Variants in ADSL observed in about 807,000 individuals in gnomAD.
The protein encoded by ADSL is adenylosuccinase.
ADSL carries 44 observed loss-of-function variants against 62.1 expected under a neutral mutation model. The observed-to-expected ratio is 0.71, with a 90% CI of 0.56 to 0.91. The LOEUF is 0.91. ADSL is among the 40% of genes least tolerant of loss of function. The pLI is 0.00. For missense variants in ADSL, 531 were observed against 627.4 expected, an observed-to-expected ratio of 0.85 and a Z score of 1.64; for synonymous variants, 198 against 220.5, an observed-to-expected ratio of 0.90 and a Z score of 0.90.
Position 40,364,377 on chromosome 22 carries a change from C to T in ADSL, c.1191+12C>T. 2.5e-6 allele frequency: 4 copies of T among 1,611,806 alleles called. No homozygotes were observed. The highest frequency in any genetic ancestry group is 3.4e-6 in the Non-Finnish European group (4 of 1,178,284). The stretch of plus-strand genomic sequence containing the variant: ...GAGGTAGCCGCCAGGTTTGTAACCC[C>T]TCATGTTCCTGGATAAGTTGAGAGT... On this transcript the variant is annotated intron_variant, in intron 11 of 12. Coordinates refer to ENST00000623063, the MANE Select transcript of ADSL (RefSeq NM_000026.4).
At chr22:40,362,006 G>A (rs1214677194) in intron 9 of ADSL, among the ~76,000 whole-genome samples, 1 of 152,222 alleles carries the variant, frequency 6.6e-6, no homozygotes, top group African/African-American at 2.4e-5. Flanking sequence ...CCTGGGGAAT[G>A]AAGTCAACAT....
rs1190910739 is a variant in ADSL at position 40,361,615 on chromosome 22, A to G, written c.990A>G (p.Thr330=). Residue 330 remains threonine (T), a synonymous_variant, in exon 9 of 13, where the codon ACA becomes ACG. Coordinates refer to ENST00000623063, the MANE Select transcript of ADSL (RefSeq NM_000026.4). ...CATCTGTCCAGTGGTTTGAACGCACACTGGATGATAGTGCCAACCGGTCAG... is the reference window on the plus strand; with the variant it reads ...CATCTGTCCAGTGGTTTGAACGCACGCTGGATGATAGTGCCAACCGGTCAG... ...QTASVQWFER[T]LDDSANRRIC... 4 of 1,613,838 alleles carry G rather than the reference A, an allele frequency of 2.5e-6. No individual in the cohort carries two copies. In the African/African-American group the frequency reaches 4.0e-5, roughly 16 times the overall value.
intron 2 of ADSL, among the ~76,000 whole-genome samples, chr22:40,351,597 G>A (rs528284070): frequency 3.9e-5 from 6 of 152,318 alleles, no homozygotes; most frequent in South Asian, 2.1e-4. Flanking sequence ...GTGAGCCAGC[G>A]TACCTGGCCT....
intron 2 of ADSL, among the ~76,000 whole-genome samples, chr22:40,374,484 C>T (rs2146734218): frequency 6.6e-6 from 1 of 152,338 alleles, no homozygotes; most frequent in East Asian, 1.9e-4. Context: ...ACAATTTCTT[C>T]TTTGTAATAC....
intron 2 of ADSL, among the ~76,000 whole-genome samples, chr22:40,386,558 CTTACT>C (rs1268447784): frequency 3.0e-5 from 2 of 66,610 alleles, no homozygotes; most frequent in African/African-American, 1.0e-4. Context: ...GTCCAATTTT[CTTACT>C]TTTTTTTTTT....
intron 2 of ADSL, among the ~76,000 whole-genome samples, chr22:40,377,251 G>A (rs1334829333): frequency 3.9e-5 from 6 of 152,222 alleles, no homozygotes; most frequent in East Asian, 1.9e-4. Context: ...TAGGCAAATA[G>A]ATGCTTTCCT....
intron 2 of ADSL, 79 bp downstream of exon 2, chr22:40,350,114 A>T: frequency 3.0e-6 from 4 of 1,337,078 alleles, no homozygotes; most frequent in Non-Finnish European, 4.3e-6. Context: ...TGTCCAGTTG[A>T]GGAAGTGACA....
At chr22:40,386,719 G>C (rs2048522815) in intron 2 of ADSL, among the ~76,000 whole-genome samples, 1 of 151,510 alleles carries the variant, frequency 6.6e-6, no homozygotes, top group Non-Finnish European at 1.5e-5. Flanking sequence ...AGTGTGCCTG[G>C]CCCCTAGTTT....
intron 2 of ADSL, among the ~76,000 whole-genome samples, chr22:40,375,180 G>A (rs535202804): frequency 6.6e-6 from 1 of 152,250 alleles, no homozygotes; most frequent in East Asian, 1.9e-4. Context: ...TGTGATACAT[G>A]TTTTGTATTT....
At chr22:40,357,247 CTTTTTT>C (rs760770992) in intron 4 of ADSL, among the ~76,000 whole-genome samples, 2 of 102,780 alleles carry the variant, frequency 1.9e-5, no homozygotes, top group Non-Finnish European at 3.9e-5. Context: ...TTGATTTGGG[CTTTTTT>C]TTTTTTTTTT....
rs907248716 is a variant in ADSL, at chr22:40,353,171, T to C, written c.402+54T>C. 1.4e-5 allele frequency: 20 copies of C among 1,400,946 alleles called. No homozygotes were observed. The African/African-American group carries it at 2.0e-4, about 14-fold the overall frequency. The allele number at this position is 1,400,946 out of a possible 1,614,324, so 86.8% of individuals were successfully genotyped here. A position where few individuals can be genotyped will look rare whatever the true frequency, so the allele number is the denominator to read the frequency against. On this transcript the variant is annotated intron_variant, in intron 3 of 12. Transcript: ENST00000623063. ...ACCCTAGATTCCCTATGTTAGGAGATAGGCACCAGTTACAACTAAATCAAC... is the reference window on the plus strand; with the variant it reads ...ACCCTAGATTCCCTATGTTAGGAGACAGGCACCAGTTACAACTAAATCAAC...
At chr22:40,377,416 T>G (rs1431342312) in intron 2 of ADSL, among the ~76,000 whole-genome samples, 1 of 152,256 alleles carries the variant, frequency 6.6e-6, no homozygotes, top group Non-Finnish European at 1.5e-5. Flanking sequence ...TCCTTGGTTT[T>G]ATGTCCTACT....
chr22:40,364,430 T>G, intron 11 of ADSL, 65 bp downstream of exon 11: 1 of 1,364,414 alleles, frequency 7.3e-7, no homozygotes, highest in Non-Finnish European at 1.0e-6. Context: ...CTCTTCTCCG[T>G]GAAGGAGAGC....
chr22:40,386,562 CTTTTTTTTTTTT>C (rs60319316), intron 2 of ADSL, among the ~76,000 whole-genome samples: 6 of 68,366 alleles, frequency 8.8e-5, no homozygotes, highest in East Asian at 4.7e-4. Flanking sequence ...AATTTTCTTA[CTTTTTTTTTTTT>C]TTTTTTTTTT....
intron 10 of ADSL, among the ~76,000 whole-genome samples, chr22:40,363,692 T>A (rs2044881999): frequency 6.7e-6 from 1 of 149,972 alleles, no homozygotes; most frequent in South Asian, 2.1e-4. Context: ...GCCGAGATCG[T>A]GTCATTGTAC....
intron 10 of ADSL, among the ~76,000 whole-genome samples, chr22:40,363,282 C>T (rs949098045): frequency 3.3e-5 from 5 of 152,156 alleles, no homozygotes; most frequent in Non-Finnish European, 7.4e-5. Context: ...TTTAAATTGC[C>T]TTAAACTATC....
chr22:40,353,682 G>A (rs2044439281), intron 3 of ADSL: 1 of 300,254 alleles, frequency 3.3e-6, no homozygotes, highest in African/African-American at 2.5e-5. Flanking sequence ...CTGGAGTGCA[G>A]TGGCACAGTC....
chr22:40,349,370 G>A (rs2044259577), intron 1 of ADSL, among the ~76,000 whole-genome samples: 3 of 145,482 alleles, frequency 2.1e-5, no homozygotes, highest in Non-Finnish European at 3.0e-5. Context: ...ATTTATTGGA[G>A]CTTTCTTTTT....
At chr22:40,358,060 G>C (rs2044632816) in intron 4 of ADSL, among the ~76,000 whole-genome samples, 1 of 152,180 alleles carries the variant, frequency 6.6e-6, no homozygotes, top group Non-Finnish European at 1.5e-5. Flanking sequence ...TTATAGGCAT[G>C]AGCCACCGCG....
Sources: gnomAD v4.1 joint callset for allele counts (sites outside exome capture counted in the v4.1 genomes callset) on GRCh38, gnomAD v4.1.1 for gene constraint, MANE v1.5 for transcripts, NCBI Gene and HGNC (gene_info 2026-07-23, HGNC 2026-07-21) for gene names.